SGCZ: variants seen among roughly 807,000 people sequenced by gnomAD.
SGCZ encodes the protein sarcoglycan zeta, also known as zeta-sarcoglycan.
SGCZ carries 40 observed loss-of-function variants against 41.3 expected under a neutral mutation model. That is an observed-to-expected ratio of 0.97 (90% confidence interval 0.75 to 1.26). The LOEUF (loss-of-function observed/expected upper bound fraction) is 1.26. SGCZ is among the 50% of genes most tolerant of loss of function. SGCZ has a pLI of 0.00. For missense variants in SGCZ, 552 were observed against 369.8 expected, an observed-to-expected ratio of 1.49 and a Z score of -4.04; for synonymous variants, 206 against 137.5, an observed-to-expected ratio of 1.50 and a Z score of -3.49.
At chr8:15,178,223 T>A (rs1800057939) in intron 1 of SGCZ, among the ~76,000 whole-genome samples, 1 of 151,416 alleles carries the variant, frequency 6.6e-6, no homozygotes, top group African/African-American at 2.4e-5. Flanking sequence ...CTTTGAGAAT[T>A]TTTTTTTTAC....
At chr8:14,342,228 A>C (rs1004083256) in intron 2 of SGCZ, among the ~76,000 whole-genome samples, 1 of 152,204 alleles carries the variant, frequency 6.6e-6, no homozygotes, top group Non-Finnish European at 1.5e-5. Context: ...CGTTTTAGCA[A>C]AGGGATTGGC....
intron 1 of SGCZ, among the ~76,000 whole-genome samples, chr8:15,225,155 A>G (rs1431538743): frequency 6.6e-6 from 1 of 152,212 alleles, no homozygotes; most frequent in Non-Finnish European, 1.5e-5. Context: ...AAGGAAACTC[A>G]GAATATGTAC....
At chr8:14,134,520 TG>T (rs1320941512) in intron 5 of SGCZ, among the ~76,000 whole-genome samples, 1 of 152,228 alleles carries the variant, frequency 6.6e-6, no homozygotes. Context: ...CTGAGGAAAT[TG>T]GCATAGAAAG....
chr8:14,134,551 T>G (rs1226059771), intron 5 of SGCZ, among the ~76,000 whole-genome samples: 4 of 152,198 alleles, frequency 2.6e-5, no homozygotes, highest in Non-Finnish European at 5.9e-5. Flanking sequence ...TCTTAAATAT[T>G]TGAGTTACTG....
rs951866875 is a variant in SGCZ at position 14,086,707 on chromosome 8, C to A, written c.*3736G>T. ...ACCAGGCATGATTTTTCCAAAGGAA[C>A]CTTAATGTTCAAATGTTAAGAGTGT... On this transcript the variant is annotated 3_prime_UTR_variant, in exon 8 of 8. Transcript: ENST00000382080. 2.0e-5 allele frequency among the ~76,000 whole-genome samples: 3 copies of A among 151,546 alleles called. No homozygotes were observed. The highest frequency in any genetic ancestry group is 4.4e-5 in the Non-Finnish European group (3 of 67,714).
chr8:14,728,494 T>C (rs183318383), intron 1 of SGCZ, among the ~76,000 whole-genome samples: 2 of 151,820 alleles, frequency 1.3e-5, no homozygotes, highest in Non-Finnish European at 2.9e-5. Context: ...TTATTAACCA[T>C]GGAAAAAGAC....
intron 1 of SGCZ, among the ~76,000 whole-genome samples, chr8:15,146,471 C>T (rs1491000759): frequency 6.6e-6 from 1 of 152,134 alleles, no homozygotes; most frequent in African/African-American, 2.4e-5. Flanking sequence ...AGTCCTTGTT[C>T]TCTAGTGATC....
intron 2 of SGCZ, among the ~76,000 whole-genome samples, chr8:14,531,130 A>C (rs1275541067): frequency 6.6e-6 from 1 of 151,958 alleles, no homozygotes; most frequent in East Asian, 1.9e-4. Flanking sequence ...CGGGATCTTC[A>C]CTTCAGCCCT....
intron 4 of SGCZ, among the ~76,000 whole-genome samples, chr8:14,173,966 T>C (rs1036192997): frequency 1.3e-5 from 2 of 152,044 alleles, no homozygotes; most frequent in African/African-American, 4.8e-5. Context: ...ATGGTTATAT[T>C]AATAACTGCT....
chr8:14,981,614 G>A (rs190452170), intron 1 of SGCZ, among the ~76,000 whole-genome samples: 1 of 152,094 alleles, frequency 6.6e-6, no homozygotes, highest in Non-Finnish European at 1.5e-5. Context: ...TTAAATCCAA[G>A]TGGCTTTTTG....
chr8:14,209,090 T>C (rs940341569), intron 4 of SGCZ, among the ~76,000 whole-genome samples: 2 of 152,146 alleles, frequency 1.3e-5, no homozygotes, highest in Admixed American at 6.5e-5. Flanking sequence ...TTGCCAGCCA[T>C]GTATATAGTA....
chr8:14,736,136 G>A (rs1799021691), intron 1 of SGCZ, among the ~76,000 whole-genome samples: 2 of 151,940 alleles, frequency 1.3e-5, no homozygotes, highest in African/African-American at 2.4e-5. Context: ...TCCAAATCAT[G>A]CTCCCTGCTT....
At chr8:14,943,542 C>G (rs368732120) in intron 1 of SGCZ, among the ~76,000 whole-genome samples, 2 of 152,090 alleles carry the variant, frequency 1.3e-5, no homozygotes, top group South Asian at 4.1e-4. Flanking sequence ...GAGAATGGAA[C>G]AGAAAAAGCA....
intron 1 of SGCZ, among the ~76,000 whole-genome samples, chr8:15,190,228 T>A (rs1451422342): frequency 1.3e-5 from 2 of 152,220 alleles, no homozygotes; most frequent in Non-Finnish European, 2.9e-5. Context: ...TAAAGCTTGT[T>A]ATACCTTTAA....
chr8:14,190,775 T>C (rs901543579), intron 4 of SGCZ, among the ~76,000 whole-genome samples: 1 of 152,002 alleles, frequency 6.6e-6, no homozygotes, highest in Admixed American at 6.6e-5. Context: ...GCTAATTTTT[T>C]ATATTTTTAG....
At chr8:14,241,353 A>G (rs963235690) in intron 3 of SGCZ, among the ~76,000 whole-genome samples, 5 of 150,786 alleles carry the variant, frequency 3.3e-5, no homozygotes, top group Non-Finnish European at 7.4e-5. Context: ...TATTTAAGTT[A>G]TGTAAAAGTA....
intron 2 of SGCZ, among the ~76,000 whole-genome samples, chr8:14,432,221 C>T (rs1295522335): frequency 6.6e-6 from 1 of 152,154 alleles, no homozygotes; most frequent in Non-Finnish European, 1.5e-5. Flanking sequence ...CAAAAAGATA[C>T]TTGCACAGAG....
chr8:14,582,325 G>A (rs1463515566), intron 1 of SGCZ, among the ~76,000 whole-genome samples: 1 of 151,958 alleles, frequency 6.6e-6, no homozygotes, highest in East Asian at 1.9e-4. Context: ...CTATGTGGGG[G>A]ATCAGCACCC....
intron 1 of SGCZ, among the ~76,000 whole-genome samples, chr8:14,800,629 G>A (rs887766972): frequency 6.6e-6 from 1 of 152,038 alleles, no homozygotes; most frequent in African/African-American, 2.4e-5. Flanking sequence ...AGTCTGTGGT[G>A]TTTCCACCTT....
Sources: gnomAD v4.1 joint callset for allele counts (sites outside exome capture counted in the v4.1 genomes callset) on GRCh38, gnomAD v4.1.1 for gene constraint, MANE v1.5 for transcripts, NCBI Gene and HGNC (gene_info 2026-07-23, HGNC 2026-07-21) for gene names.